PAQR5: variants seen among roughly 807,000 people sequenced by gnomAD.
The protein encoded by PAQR5 is membrane progestin receptor gamma.
Under a neutral mutation model 34.5 loss-of-function variants are expected in PAQR5, and 20 were observed. The observed-to-expected ratio is 0.58, with a 90% CI of 0.41 to 0.84. The LOEUF is 0.84. Ranked by LOEUF, PAQR5 falls within the 40% of genes least tolerant of loss-of-function variation. The pLI is 0.00. For synonymous variants in PAQR5, 131 were observed against 155.6 expected, an observed-to-expected ratio of 0.84 and a Z score of 1.18; for missense variants, 378 against 412.7, an observed-to-expected ratio of 0.92 and a Z score of 0.73.
intron 3 of PAQR5, among the ~76,000 whole-genome samples, chr15:69,364,574 G>C (rs1004143666): frequency 7.7e-5 from 9 of 117,124 alleles, no homozygotes; most frequent in African/African-American, 3.7e-4. Context: ...GTGATAGCAG[G>C]CATCTTTGTA....
chr15:69,375,284 C>T (rs1267189047), intron 3 of PAQR5, among the ~76,000 whole-genome samples: 1 of 152,144 alleles, frequency 6.6e-6, no homozygotes, highest in Non-Finnish European at 1.5e-5. Flanking sequence ...GTGCTCATCC[C>T]TGGTGTCTCT....
At chr15:69,346,709 C>T (rs1320156374) in intron 2 of PAQR5, among the ~76,000 whole-genome samples, 3 of 151,796 alleles carry the variant, frequency 2.0e-5, no homozygotes, top group Admixed American at 1.3e-4. Flanking sequence ...GCAACCTCCG[C>T]CTCCCAGGTT....
chr15:69,314,540 C>T (rs1328300192), intron 1 of PAQR5: 1 of 152,320 alleles, frequency 6.6e-6, no homozygotes, highest in Non-Finnish European at 1.5e-5. Context: ...GGTATCTGGA[C>T]CATTCCCCCC....
At position 69,355,570 on chromosome 15, in the gene PAQR5, G is replaced by A. The variant is rs560423553; in HGVS notation, c.-115-4396G>A. Among the ~76,000 whole-genome samples, 49 of 151,352 alleles carry A rather than the reference G, an allele frequency of 3.2e-4. 1 individual carries two copies. The highest frequency in any genetic ancestry group is 1.6e-3 in the Admixed American group (24 of 15,166). On this transcript the variant is annotated intron_variant, in intron 2 of 8. Coordinates refer to ENST00000395407, the MANE Select transcript of PAQR5 (RefSeq NM_017705.4). ...CAAGTAGCAGGGATTACAGGCATTC[G>A]CCACCACGCCCAGCTAATTTTTGTA... is the stretch of plus-strand genomic sequence containing the variant.
Position 69,360,099 on chromosome 15 carries a change from C to G in PAQR5, c.19C>G (p.Pro7Ala). 6.2e-7 allele frequency: 1 copy of G among 1,613,734 alleles called. No individual in the cohort carries two copies. Among genetic ancestry groups the G allele is most frequent in the Non-Finnish European group, 8.5e-7 (1 of 1,179,676 alleles). Residue 7 changes from proline (P) to alanine (A), a missense_variant, in exon 3 of 9, where the codon CCC becomes GCC. By Grantham distance (27) the Pro-to-Ala change is conservative. Transcript: ENST00000395407. ...CTCCAAGATGCTGAGCCTGAAGCTC[C>G]CCAGGCTGTTTAGCATAGACCAGAT... MLSLKL[P>A]RLFSIDQIPQ...
chr15:69,374,903 G>T (rs956217811), intron 3 of PAQR5, among the ~76,000 whole-genome samples: 13 of 152,214 alleles, frequency 8.5e-5, no homozygotes, highest in African/African-American at 2.9e-4. Flanking sequence ...GCTGGGGTGG[G>T]AGTCCGGCTT....
chr15:69,327,015 T>G (rs76735676), intron 1 of PAQR5, among the ~76,000 whole-genome samples: 6,225 of 151,782 alleles, frequency 0.041, 264 homozygotes, highest in East Asian at 0.15. Context: ...TAGATGAGGT[T>G]TTGCTCTGTT....
Position 69,405,346 on chromosome 15 carries a change from GCTCA to G in PAQR5, c.*1527_*1530del. Reference sequence around the variant, plus strand: ...AGACATTTGAATGGCCTTGTAAACAGCTCACTGTCTAATACTCGAAGGACAAGTA... The same window carrying G: ...AGACATTTGAATGGCCTTGTAAACAGCTGTCTAATACTCGAAGGACAAGTA... On this transcript the variant is annotated 3_prime_UTR_variant, in exon 9 of 9. Transcript: ENST00000395407. The G allele has an allele frequency of 4.8e-6, 1 of 208,828 alleles. No individual in the cohort carries two copies. Among genetic ancestry groups the G allele is most frequent in the Non-Finnish European group, 9.4e-6 (1 of 106,030 alleles). The allele number at this position is 208,828 out of a possible 1,614,324, so 12.9% of individuals were successfully genotyped here.
chr15:69,322,276 G>C (rs940834543), intron 1 of PAQR5, among the ~76,000 whole-genome samples: 5 of 149,770 alleles, frequency 3.3e-5, no homozygotes, highest in African/African-American at 1.2e-4. Flanking sequence ...TCAGGAGTTC[G>C]AGACCAGCCT....
At chr15:69,371,027 T>G (rs948930273) in intron 3 of PAQR5, among the ~76,000 whole-genome samples, 1 of 152,262 alleles carries the variant, frequency 6.6e-6, no homozygotes, top group Admixed American at 6.5e-5. Context: ...TATAATTTAT[T>G]TTATTTCTTC....
chr15:69,323,775 A>G (rs11072083), intron 1 of PAQR5, among the ~76,000 whole-genome samples: 145,129 of 152,286 alleles, frequency 0.95, 69,325 homozygotes, highest in Non-Finnish European at 0.99. Context: ...AGAGAGCCAC[A>G]ATGAACAGCC....
intron 3 of PAQR5, among the ~76,000 whole-genome samples, chr15:69,366,055 A>G (rs573571280): frequency 6.6e-6 from 1 of 152,322 alleles, no homozygotes; most frequent in African/African-American, 2.4e-5. Context: ...CACCATGATC[A>G]CCAGTTTTTA....
At chr15:69,326,751 T>C (rs908266384) in intron 1 of PAQR5, among the ~76,000 whole-genome samples, 1 of 152,132 alleles carries the variant, frequency 6.6e-6, no homozygotes. Context: ...GTTTTCTTAA[T>C]AGACTTTATG....
Position 69,385,989 on chromosome 15 carries a change from CA to C in PAQR5, c.385+1108del, listed in dbSNP as rs1196902545. Among the ~76,000 whole-genome samples, 1 of 151,066 alleles carries C rather than the reference CA, an allele frequency of 6.6e-6. No individual in the cohort carries two copies. The highest frequency in any genetic ancestry group is 2.4e-5 in the African/African-American group (1 of 41,044). On this transcript the variant is annotated intron_variant, in intron 5 of 8. Coordinates refer to ENST00000395407, the MANE Select transcript of PAQR5 (RefSeq NM_017705.4). The surrounding 1 kb of genome is among the most constrained non-coding windows in gnomAD (Gnocchi z 4.7). ...TCAAACACTACACACACACACCACC[CA>C]TACTGACACACACTACACTCACATA...
chr15:69,364,446 A>G (rs941865722), intron 3 of PAQR5, among the ~76,000 whole-genome samples: 4 of 147,734 alleles, frequency 2.7e-5, no homozygotes, highest in Non-Finnish European at 5.9e-5. Context: ...ATATATATAT[A>G]TATTATATAC....
intron 1 of PAQR5, among the ~76,000 whole-genome samples, chr15:69,333,732 T>C (rs2054445717): frequency 6.6e-6 from 1 of 152,160 alleles, no homozygotes; most frequent in African/African-American, 2.4e-5. Flanking sequence ...GCTTATTTGC[T>C]GCTTATTTGG....
intron 1 of PAQR5, among the ~76,000 whole-genome samples, chr15:69,299,788 G>C (rs1016219287): frequency 1.3e-5 from 2 of 152,184 alleles, no homozygotes; most frequent in African/African-American, 4.8e-5. Context: ...TCCCGCTTAG[G>C]TTGGGAGGAG....
At position 69,403,629 on chromosome 15, in the gene PAQR5, T is replaced by C. The variant is rs2056702938; in HGVS notation, c.800T>C (p.Met267Thr). 1 of 1,614,016 alleles carries C rather than the reference T, an allele frequency of 6.2e-7. No homozygotes were observed. The highest frequency in any genetic ancestry group is 2.2e-5 in the East Asian group (1 of 44,894). ...FHVCVILATH[M>T]QMEAILLDKT... ...GTGTGTGTGATCCTGGCCACGCACA[T>C]GCAGATGGAAGCCATACTTCTGGAC... Residue 267 changes from methionine to threonine, a missense_variant, in exon 9 of 9, where the codon ATG becomes ACG. Met to Thr is a moderately conservative substitution (Grantham distance 81). Coordinates refer to ENST00000395407, the MANE Select transcript of PAQR5 (RefSeq NM_017705.4).
intron 6 of PAQR5, chr15:69,397,060 T>C (rs1460308072): frequency 4.9e-6 from 2 of 407,742 alleles, no homozygotes; most frequent in East Asian, 1.4e-4. Flanking sequence ...TCTCAGCCTC[T>C]GCAGAGTGTG....
Sources: allele counts gnomAD v4.1 joint callset (sites outside exome capture counted in the v4.1 genomes callset), GRCh38; gene constraint gnomAD v4.1.1; non-coding constraint Gnocchi (gnomAD v3.1); transcripts MANE v1.5; gene names NCBI Gene and HGNC (gene_info 2026-07-23, HGNC 2026-07-21).